Variants in HSF4 observed in about 807,000 individuals in gnomAD.
The protein encoded by HSF4 is heat shock factor protein 4.
Under a neutral mutation model 52.0 loss-of-function variants are expected in HSF4, and 41 were observed. The observed-to-expected ratio is 0.79, with a 90% CI of 0.61 to 1.02. The LOEUF is 1.02. HSF4 is among the 50% of genes least tolerant of loss of function. HSF4 has a pLI of 0.00. For synonymous variants in HSF4, 285 were observed against 273.0 expected, an observed-to-expected ratio of 1.04 and a Z score of -0.43; for missense variants, 610 against 651.1, an observed-to-expected ratio of 0.94 and a Z score of 0.69.
chr16:67,164,039 T>C (rs1412123849), upstream of HSF4: 1 of 723,836 alleles, frequency 1.4e-6, no homozygotes, highest in Non-Finnish European at 2.5e-6. Context: ...CGCTCGGTCC[T>C]GGACACACTG....
In HSF4 at chr16:67,165,993, G is replaced by A. The variant is rs1418693925; in HGVS notation, c.408G>A (p.Leu136=). 2 of 1,546,898 alleles carry A rather than the reference G, an allele frequency of 1.3e-6. No individual in the cohort carries two copies. Among genetic ancestry groups the A allele is most frequent in the Non-Finnish European group, 1.7e-6 (2 of 1,154,482 alleles). Residue 136 remains leucine, a synonymous_variant, in exon 4 of 13, where the codon CTG becomes CTA. Coordinates refer to ENST00000521374, the MANE Select transcript of HSF4 (RefSeq NM_001374675.1). The surrounding 1 kb of genome is among the most constrained non-coding windows in gnomAD (Gnocchi z 6.9). ...GDDGRWRPED[L]GRLLGEVQAL... ...ACGGCCGCTGGCGCCCGGAGGACCT[G>A]GGTCGACTACTGGGCGAGGTGCAGG...
At chr16:67,167,019 G>T in intron 6 of HSF4, 101 bp from the exon 7 acceptor site, 1 of 1,543,990 alleles carries the variant, frequency 6.5e-7, no homozygotes, top group South Asian at 1.1e-5. Context: ...CAGCTCTGCT[G>T]ACTTGGCTGC....
At chr16:67,166,515 G>T (rs753585363) in intron 5 of HSF4, 43 bp from the exon 6 acceptor site, 6 of 1,609,634 alleles carry the variant, frequency 3.7e-6, no homozygotes, top group East Asian at 2.2e-5. Context: ...GGGGTGGGGG[G>T]GCTGTGTCCA....
Position 67,167,202 on chromosome 16 carries a change from G to A in HSF4, c.709G>A (p.Asp237Asn). 1 of 1,614,152 alleles carries A rather than the reference G, an allele frequency of 6.2e-7. No individual in the cohort carries two copies. Among genetic ancestry groups the A allele is most frequent in the South Asian group, 1.1e-5 (1 of 91,080 alleles). ...CCCTCTACCTGGTGCCCTTCTGCAG[G>A]ACCCCTACTTCATCCAGTCGGTAGG... ...TCPLPGALLQ[D>N]PYFIQSPLPE... The change falls in exon 7 of 13, where the codon GAC (aspartate) becomes AAC (asparagine). Residue 237 changes from aspartate to asparagine, a missense_variant. Coordinates refer to ENST00000521374, the MANE Select transcript of HSF4 (RefSeq NM_001374675.1).
intron 6 of HSF4, among the ~76,000 whole-genome samples, 194 bp from the exon 7 acceptor site, chr16:67,166,926 C>T (rs1170826924): frequency 6.6e-6 from 1 of 152,188 alleles, no homozygotes; most frequent in Non-Finnish European, 1.5e-5. Flanking sequence ...CCCTCCCTCC[C>T]CTCTCTACCC....
In HSF4 at chr16:67,167,110, G is replaced by A. The variant is rs372039794; in HGVS notation, c.627-10G>A. The A allele has an allele frequency of 2.9e-5, 47 of 1,613,910 alleles. No individual in the cohort carries two copies. The highest frequency in any genetic ancestry group is 6.7e-5 in the East Asian group (3 of 44,878). On this transcript the variant is annotated splice_polypyrimidine_tract_variant and intron_variant, in intron 6 of 12. Transcript: ENST00000521374. The stretch of plus-strand genomic sequence containing the variant: ...CCCCACCCCTGCCTGTGCCCTGATC[G>A]ACCACACAGGTCCCTGATGCTGGAT...
In HSF4 at chr16:67,164,770, C is replaced by G. The variant is rs936116065; in HGVS notation, c.-42C>G. On this transcript the variant is annotated 5_prime_UTR_variant, in exon 1 of 13. Coordinates refer to ENST00000521374, the MANE Select transcript of HSF4 (RefSeq NM_001374675.1). ...ACTTTCCGCGGCTTTGACGAGCCCG[C>G]AGCGGCCGGGCCCGAGCGCAGAGCC... 1.3e-6 allele frequency: 2 copies of G among 1,561,734 alleles called. No homozygotes were observed. The highest frequency in any genetic ancestry group is 2.8e-5 in the African/African-American group (2 of 71,646).
chr16:67,169,819 C>G lies in HSF4; in HGVS notation c.*34C>G, dbSNP rs1176499881. The G allele has an allele frequency of 1.2e-6, 2 of 1,612,372 alleles. No individual in the cohort carries two copies. The highest frequency in any genetic ancestry group is 2.7e-5 in the African/African-American group (2 of 74,930). On this transcript the variant is annotated 3_prime_UTR_variant, in exon 13 of 13. Transcript: ENST00000521374. The surrounding 1 kb of genome is among the most constrained non-coding windows in gnomAD (Gnocchi z 4.3). Reference sequence around the variant, plus strand: ...GCCTCTGAAGGGGCTTGGAACCAGTCCGCCGCTGCACATCCTTCTTGGCTT... The same window carrying G: ...GCCTCTGAAGGGGCTTGGAACCAGTGCGCCGCTGCACATCCTTCTTGGCTT...
Position 67,169,901 on chromosome 16 carries a change from A to C in HSF4, c.*116A>C. On this transcript the variant is annotated 3_prime_UTR_variant, in exon 13 of 13. Coordinates refer to ENST00000521374, the MANE Select transcript of HSF4 (RefSeq NM_001374675.1). The surrounding 1 kb of genome is among the most constrained non-coding windows in gnomAD (Gnocchi z 4.3). ...CCCCACTACTAAATGGCCTCTCTCCACTACCCCGACTATCCCTGCACATAA... is the reference window on the plus strand; with the variant it reads ...CCCCACTACTAAATGGCCTCTCTCCCCTACCCCGACTATCCCTGCACATAA... The C allele has an allele frequency of 1.0e-6, 1 of 991,348 alleles. No individual in the cohort carries two copies. The highest frequency in any genetic ancestry group is 1.6e-6 in the Non-Finnish European group (1 of 636,922). The allele number at this position is 991,348 out of a possible 1,614,324, so 61.4% of individuals were successfully genotyped here. A position where few individuals can be genotyped will look rare whatever the true frequency, so the allele number is the denominator to read the frequency against.
rs1456779908 is a variant in HSF4 at position 67,164,800 on chromosome 16, C to G, written c.-12C>G. 1.3e-6 allele frequency: 2 copies of G among 1,591,194 alleles called. No individual in the cohort carries two copies. ...GCCGGGCCCGAGCGCAGAGCCGGGCCGAGACTGCACCATGCAGGAAGCGCC... is the reference window on the plus strand; with the variant it reads ...GCCGGGCCCGAGCGCAGAGCCGGGCGGAGACTGCACCATGCAGGAAGCGCC... On this transcript the variant is annotated 5_prime_UTR_variant, in exon 1 of 13. Coordinates refer to ENST00000521374, the MANE Select transcript of HSF4 (RefSeq NM_001374675.1).
upstream of HSF4, chr16:67,163,865 A>G: frequency 7.2e-7 from 1 of 1,392,582 alleles, no homozygotes; most frequent in Non-Finnish European, 9.2e-7. Context: ...AAGCGCTCTG[A>G]GAGGGAACGG....
At chr16:67,166,445 A>C in intron 5 of HSF4, 50 bp downstream of exon 5, 1 of 1,589,396 alleles carries the variant, frequency 6.3e-7, no homozygotes, top group Non-Finnish European at 8.6e-7. Flanking sequence ...TCGACACCCC[A>C]TTCCACCGCC....
At position 67,165,970 on chromosome 16, in the gene HSF4, G is replaced by T; in HGVS notation, c.385G>T (p.Gly129Cys). Residue 129 changes from glycine (G) to cysteine (C), a missense_variant, in exon 4 of 13, where the codon GGC becomes TGC. Transcript: ENST00000521374. The surrounding 1 kb of genome is among the most constrained non-coding windows in gnomAD (Gnocchi z 6.9). ...GGTGCCCGCGCTGCGCGGCGACGAC[G>T]GCCGCTGGCGCCCGGAGGACCTGGG... Reference protein sequence around the residue: ...RKVPALRGDDGRWRPEDLGRL... With the variant: ...RKVPALRGDDCRWRPEDLGRL... 6.4e-7 allele frequency: 1 copy of T among 1,559,638 alleles called. No individual in the cohort carries two copies. The highest frequency in any genetic ancestry group is 8.6e-7 in the Non-Finnish European group (1 of 1,161,522).
Position 67,167,161 on chromosome 16 carries a change from C to G in HSF4, c.668C>G (p.Ala223Gly), listed in dbSNP as rs372162934. The G allele has an allele frequency of 6.2e-7, 1 of 1,614,104 alleles. No homozygotes were observed. Among genetic ancestry groups the G allele is most frequent in the African/African-American group, 1.3e-5 (1 of 74,938 alleles). ...LDEGSSCPTP[A>G]KFNTCPLPGA... ...GAGGGGAGCTCATGCCCAACACCTG[C>G]CAAGTTCAACACCTGCCCTCTACCT... Residue 223 changes from alanine (A) to glycine (G), a missense_variant, in exon 7 of 13, where the codon GCC (alanine) becomes GGC (glycine). Coordinates refer to ENST00000521374, the MANE Select transcript of HSF4 (RefSeq NM_001374675.1).
Position 67,165,189 on chromosome 16 carries a change from C to T in HSF4, c.123+255C>T. The stretch of plus-strand genomic sequence containing the variant: ...CATTTAGTTCCCACCCTACCCCATC[C>T]GACAGATGGGAAAACAGAGGCCGGG... On this transcript the variant is annotated intron_variant, in intron 1 of 12. Transcript: ENST00000521374. This position sits in a 1 kb window ranked among gnomAD's most constrained non-coding sequence, Gnocchi z 6.9. 1.7e-6 allele frequency: 1 copy of T among 594,538 alleles called. No homozygotes were observed. Among genetic ancestry groups the T allele is most frequent in the Non-Finnish European group, 3.0e-6 (1 of 334,850 alleles). 36.8% of individuals were successfully genotyped at this position (594,538 alleles called of 1,614,324 possible).
Position 67,167,723 on chromosome 16 carries a change from G to A in HSF4, c.858G>A (p.Glu286=). Residue 286 remains glutamate, a synonymous_variant, in exon 9 of 13, where the codon GAG becomes GAA. Transcript: ENST00000521374. ...RLSPSSDGRR[E]KGLALLKEEP... ...TTGAAGCTTTTCTCTGGTGCAGGGA[G>A]AAGGGCCTGGCACTGCTCAAAGAAG... 6.2e-7 allele frequency: 1 copy of A among 1,609,902 alleles called. No homozygotes were observed. The highest frequency in any genetic ancestry group is 1.1e-5 in the South Asian group (1 of 90,800).
chr16:67,163,919 G>A (rs1349680679), upstream of HSF4: 25 of 1,500,636 alleles, frequency 1.7e-5, no homozygotes, highest in Admixed American at 2.0e-5. Context: ...CCTTCTTTTG[G>A]GATTGTTGCC....
intron 9 of HSF4, 39 bp downstream of exon 9, chr16:67,167,986 G>C (rs890130173): frequency 1.4e-6 from 2 of 1,480,112 alleles, no homozygotes; most frequent in African/African-American, 2.8e-5. Context: ...CCCTGTGATA[G>C]AACAGCCCTT....
chr16:67,165,647 G>A lies in HSF4; in HGVS notation c.232+17G>A, dbSNP rs1416466622. ...TCAACATGTGTGAGTCCCTACGGCC[G>A]GGCGGGGAGCGGGGATGGGGGACTC... On this transcript the variant is annotated intron_variant, in intron 2 of 12. Transcript: ENST00000521374. The surrounding 1 kb of genome is among the most constrained non-coding windows in gnomAD (Gnocchi z 6.9). 5.0e-6 allele frequency: 8 copies of A among 1,612,678 alleles called. No individual in the cohort carries two copies. Among genetic ancestry groups the A allele is most frequent in the Non-Finnish European group, 6.8e-6 (8 of 1,179,890 alleles).
Sources: allele counts gnomAD v4.1 joint callset (sites outside exome capture counted in the v4.1 genomes callset), GRCh38; gene constraint gnomAD v4.1.1; non-coding constraint Gnocchi (gnomAD v3.1); transcripts MANE v1.5; gene names NCBI Gene and HGNC (gene_info 2026-07-23, HGNC 2026-07-21).